CRISPLD2: variants seen among roughly 807,000 people sequenced by gnomAD.
CRISPLD2 encodes cysteine rich secretory protein LCCL domain containing 2.
In CRISPLD2, 47 loss-of-function variants were observed where a neutral mutation model predicts 71.1. That is an observed-to-expected ratio of 0.66 (90% confidence interval 0.52 to 0.84). The LOEUF is 0.84. CRISPLD2 is among the 40% of genes least tolerant of loss of function. CRISPLD2 has a pLI of 0.00. For missense variants in CRISPLD2, 830 were observed against 651.1 expected, an observed-to-expected ratio of 1.27 and a Z score of -2.99; for synonymous variants, 317 against 250.1, an observed-to-expected ratio of 1.27 and a Z score of -2.52.
chr16:84,844,977 C>G (rs1916872809), intron 2 of CRISPLD2, among the ~76,000 whole-genome samples: 1 of 152,218 alleles, frequency 6.6e-6, no homozygotes, highest in African/African-American at 2.4e-5. Context: ...TTCACACTGC[C>G]ATTCCAGGAC....
At chr16:84,875,855 T>C (rs2641661) in intron 11 of CRISPLD2, among the ~76,000 whole-genome samples, 71,718 of 151,586 alleles carry the variant, frequency 0.47, 19,594 homozygotes, top group African/African-American at 0.76. Flanking sequence ...CGTGAGCCAT[T>C]GCACCCGGCC....
intron 14 of CRISPLD2, among the ~76,000 whole-genome samples, chr16:84,890,533 C>T (rs4783096): frequency 0.17 from 25,965 of 152,070 alleles, 2,375 homozygotes; most frequent in South Asian, 0.24. Flanking sequence ...TCCTTTCCAT[C>T]CCAGGGAGCA....
intron 13 of CRISPLD2, among the ~76,000 whole-genome samples, chr16:84,885,811 T>C (rs2071607630): frequency 1.4e-5 from 2 of 145,524 alleles, no homozygotes; most frequent in African/African-American, 5.1e-5. Context: ...TTGGATCCCT[T>C]CTTTTTTTTT....
At chr16:84,895,872 G>C (rs1318563020) in intron 14 of CRISPLD2, among the ~76,000 whole-genome samples, 5 of 152,064 alleles carry the variant, frequency 3.3e-5, no homozygotes, top group Middle Eastern at 3.2e-3. Context: ...CCTAAGGAGT[G>C]GGCACTTTGA....
intron 8 of CRISPLD2, among the ~76,000 whole-genome samples, chr16:84,870,406 G>C (rs543003575): frequency 1.3e-5 from 2 of 151,328 alleles, no homozygotes; most frequent in African/African-American, 4.9e-5. Flanking sequence ...TGCCACCTCT[G>C]CTTCCCGGGT....
In CRISPLD2 at chr16:84,876,517, G is replaced by T. The variant is rs563015659; in HGVS notation, c.1157-921G>T. On this transcript the variant is annotated intron_variant, in intron 11 of 14. Coordinates refer to ENST00000262424, the MANE Select transcript of CRISPLD2 (RefSeq NM_031476.4). ...ACTCCGTCTCAAAAAAAAAAGGCCGGTGCAGTGGTTTCCACCTGTAATCTT... is the reference window on the plus strand; with the variant it reads ...ACTCCGTCTCAAAAAAAAAAGGCCGTTGCAGTGGTTTCCACCTGTAATCTT... Among the ~76,000 whole-genome samples, 264 of 149,618 alleles carry T rather than the reference G, an allele frequency of 1.8e-3. 1 individual carries two copies. Among genetic ancestry groups the T allele is most frequent in the Non-Finnish European group, 3.1e-3 (208 of 67,660 alleles).
intron 8 of CRISPLD2, among the ~76,000 whole-genome samples, chr16:84,871,495 C>T (rs982678463): frequency 1.3e-5 from 2 of 151,794 alleles, no homozygotes; most frequent in South Asian, 2.1e-4. Context: ...GCTGTGATTG[C>T]GCTGCTGCAC....
intron 13 of CRISPLD2, among the ~76,000 whole-genome samples, chr16:84,888,973 C>T (rs2071637163): frequency 6.6e-6 from 1 of 152,192 alleles, no homozygotes; most frequent in Non-Finnish European, 1.5e-5. Context: ...CTGCTGAATT[C>T]CCCCAGTTCC....
rs867432707 is a variant in CRISPLD2 at position 84,881,489 on chromosome 16, C to A, written c.1305+905C>A. Among the ~76,000 whole-genome samples the A allele has an allele frequency of 2.3e-4, 35 of 152,254 alleles. 1 individual carries two copies. Among genetic ancestry groups the A allele is most frequent in the Admixed American group, 8.5e-4 (13 of 15,298 alleles). The stretch of plus-strand genomic sequence containing the variant: ...TGACCCAGACAATGTGACTGTGGTC[C>A]CACTTCTGCTGCCAGCAGGCTGTGT... On this transcript the variant is annotated intron_variant, in intron 13 of 14. Coordinates refer to ENST00000262424, the MANE Select transcript of CRISPLD2 (RefSeq NM_031476.4).
chr16:84,901,541 G>T (rs570359690), intron 14 of CRISPLD2, among the ~76,000 whole-genome samples: 1 of 148,308 alleles, frequency 6.7e-6, no homozygotes, highest in Non-Finnish European at 1.5e-5. Flanking sequence ...GTGTGATCTC[G>T]GCTCATTGCA....
intron 6 of CRISPLD2, among the ~76,000 whole-genome samples, chr16:84,856,956 A>G (rs1917257029): frequency 6.6e-6 from 1 of 152,274 alleles, no homozygotes; most frequent in African/African-American, 2.4e-5. Flanking sequence ...ATTGCACGCA[A>G]AATGGGTAAA....
At chr16:84,827,354 G>A (rs1916377979) in intron 1 of CRISPLD2, among the ~76,000 whole-genome samples, 2 of 152,006 alleles carry the variant, frequency 1.3e-5, no homozygotes, top group Admixed American at 6.6e-5. Flanking sequence ...TCCCTCCCTC[G>A]AGGGCCCTCT....
chr16:84,857,523 G>A (rs1049204987), intron 6 of CRISPLD2, among the ~76,000 whole-genome samples: 9 of 152,046 alleles, frequency 5.9e-5, no homozygotes, highest in South Asian at 2.1e-4. Flanking sequence ...GTATATAATC[G>A]CACATCTGGC....
intron 11 of CRISPLD2, 124 bp downstream of exon 11, chr16:84,874,087 A>G: frequency 1.2e-6 from 1 of 864,840 alleles, no homozygotes; most frequent in Non-Finnish European, 1.8e-6. Context: ...GGTTCTCATC[A>G]TTGTCAAGCC....
intron 1 of CRISPLD2, among the ~76,000 whole-genome samples, chr16:84,827,421 C>A (rs1436334339): frequency 6.6e-6 from 1 of 152,170 alleles, no homozygotes; most frequent in Non-Finnish European, 1.5e-5. Context: ...TGCTCACCAC[C>A]TGGCCCTGGC....
intron 1 of CRISPLD2, among the ~76,000 whole-genome samples, chr16:84,825,628 C>G (rs1410550295): frequency 6.6e-6 from 1 of 151,918 alleles, no homozygotes; most frequent in South Asian, 2.1e-4. Context: ...TGGTGGTGCA[C>G]GCCTGTAATC....
intron 13 of CRISPLD2, among the ~76,000 whole-genome samples, chr16:84,884,108 G>C (rs1029633370): frequency 1.3e-5 from 2 of 152,202 alleles, no homozygotes; most frequent in African/African-American, 4.8e-5. Context: ...GCCTCCCAAA[G>C]TGCTGGGATT....
intron 12 of CRISPLD2, among the ~76,000 whole-genome samples, chr16:84,878,123 C>T (rs528801370): frequency 6.6e-6 from 1 of 151,854 alleles, no homozygotes; most frequent in Admixed American, 6.5e-5. Context: ...ACTCGGGAGT[C>T]TGAGGCGGGA....
At chr16:84,902,478 T>C (rs1224791118) in intron 14 of CRISPLD2, among the ~76,000 whole-genome samples, 2 of 151,556 alleles carry the variant, frequency 1.3e-5, no homozygotes, top group Non-Finnish European at 2.9e-5. Flanking sequence ...GGCGTGGTGT[T>C]GGACACTTGT....
Sources: gnomAD v4.1 joint callset for allele counts (sites outside exome capture counted in the v4.1 genomes callset) on GRCh38, gnomAD v4.1.1 for gene constraint, MANE v1.5 for transcripts, NCBI Gene and HGNC (gene_info 2026-07-23, HGNC 2026-07-21) for gene names.